The following DAB1 variants were observed in gnomAD, a reference collection of about 807,000 sequenced individuals.
The protein encoded by DAB1 is DAB adaptor protein 1.
A neutral mutation model predicts 64.6 loss-of-function variants in DAB1; 15 were observed. The ratio of observed to expected loss-of-function variants is 0.23; its 90% confidence interval spans 0.16 to 0.36. The LOEUF (loss-of-function observed/expected upper bound fraction) is 0.36, where lower values mean the gene tolerates loss of function less well. Ranked by LOEUF, DAB1 falls within the 10% of genes least tolerant of loss-of-function variation. The pLI is 1.00. For missense variants in DAB1, 596 were observed against 706.7 expected (o/e 0.84, Z 1.78); for synonymous variants, 235 against 251.9 (o/e 0.93, Z 0.64).
rs1477522407 is a variant in DAB1 at position 57,198,649 on chromosome 1, T to TCTCACACA, written c.68-53221_68-53220insTGTGTGAG. On this transcript the variant is annotated intron_variant, in intron 2 of 14. Coordinates refer to ENST00000371236, the MANE Select transcript of DAB1 (RefSeq NM_001365792.1). Reference sequence around the variant, plus strand: ...CCTCCCTCCCTGCATCTTCTCTCTCTCACACACACACACACACACACACAC... The same window carrying TCTCACACA: ...CCTCCCTCCCTGCATCTTCTCTCTCTCTCACACACACACACACACACACACACACACAC... Among the ~76,000 whole-genome samples the TCTCACACA allele has an allele frequency of 1.0e-3, 130 of 128,326 alleles. 1 individual carries two copies. The highest frequency in any genetic ancestry group is 2.3e-3 in the African/African-American group (79 of 33,674). 84.2% of individuals were successfully genotyped at this position (128,326 alleles called of 152,430 possible). A position where few individuals can be genotyped will look rare whatever the true frequency, so the allele number is the denominator to read the frequency against.
intron 1 of DAB1, among the ~76,000 whole-genome samples, chr1:58,543,395 C>T (rs986619985): frequency 3.3e-5 from 5 of 152,160 alleles, no homozygotes; most frequent in Admixed American, 2.0e-4. Flanking sequence ...ATCTCTACAG[C>T]AACTTTAGCA....
At chr1:57,259,953 A>G (rs1183186026) in intron 2 of DAB1, among the ~76,000 whole-genome samples, 1 of 152,168 alleles carries the variant, frequency 6.6e-6, no homozygotes, top group Non-Finnish European at 1.5e-5. Context: ...GCAGGACACA[A>G]GTTTACACAT....
At chr1:58,174,295 C>T (rs1570447222) in intron 4 of DAB1, among the ~76,000 whole-genome samples, 2 of 152,242 alleles carry the variant, frequency 1.3e-5, no homozygotes, top group Admixed American at 1.3e-4. Context: ...GGTCCTGTGA[C>T]AGCCATCTTG....
At chr1:58,104,060 G>A (rs1315189042) in intron 5 of DAB1, among the ~76,000 whole-genome samples, 1 of 152,154 alleles carries the variant, frequency 6.6e-6, no homozygotes, top group African/African-American at 2.4e-5. Context: ...CCAATAAAGA[G>A]GACCTATTTC....
chr1:57,902,728 G>T (rs74072509), intron 5 of DAB1, among the ~76,000 whole-genome samples: 3,779 of 152,230 alleles, frequency 0.025, 134 homozygotes, highest in African/African-American at 0.079. Flanking sequence ...ATCATCTGGT[G>T]TTCACCAGAT....
chr1:57,749,826 C>A (rs747862971), intron 6 of DAB1, among the ~76,000 whole-genome samples: 1 of 152,094 alleles, frequency 6.6e-6, no homozygotes, highest in African/African-American at 2.4e-5. Flanking sequence ...ATGCTACAAC[C>A]AAAAAACATT....
chr1:57,252,481 A>G (rs1298918349), intron 2 of DAB1, among the ~76,000 whole-genome samples: 1 of 152,198 alleles, frequency 6.6e-6, no homozygotes, highest in East Asian at 1.9e-4. Flanking sequence ...CAGTTTGGTG[A>G]TCTCCTTTAA....
intron 4 of DAB1, among the ~76,000 whole-genome samples, chr1:58,289,623 C>T (rs1557723334): frequency 6.6e-6 from 1 of 152,140 alleles, no homozygotes; most frequent in Non-Finnish European, 1.5e-5. Flanking sequence ...ATTAATTTTC[C>T]TAAAATAAGA....
At chr1:57,833,288 AT>A (rs1652674078) in intron 1 of DAB1, among the ~76,000 whole-genome samples, 1 of 152,204 alleles carries the variant, frequency 6.6e-6, no homozygotes, top group Admixed American at 6.5e-5. Flanking sequence ...TATTTTATAG[AT>A]TTGGAAATAG....
chr1:58,408,571 T>C (rs147026432), intron 3 of DAB1, among the ~76,000 whole-genome samples: 1 of 152,168 alleles, frequency 6.6e-6, no homozygotes, highest in African/African-American at 2.4e-5. Context: ...GTGGAAGATC[T>C]GATTGGTGGG....
chr1:58,404,105 A>G (rs1406054666), intron 3 of DAB1, among the ~76,000 whole-genome samples: 1 of 152,182 alleles, frequency 6.6e-6, no homozygotes, highest in African/African-American at 2.4e-5. Context: ...AGTATAAAGA[A>G]CTTTTTCAGG....
intron 5 of DAB1, among the ~76,000 whole-genome samples, chr1:58,059,976 C>T (rs942673690): frequency 1.3e-5 from 2 of 152,090 alleles, no homozygotes; most frequent in East Asian, 1.9e-4. Flanking sequence ...GAAGGCAGCA[C>T]AAAAGGGACT....
At chr1:58,296,245 GAAAGAAA>G (rs1297192137) in intron 4 of DAB1, among the ~76,000 whole-genome samples, 2 of 149,336 alleles carry the variant, frequency 1.3e-5, no homozygotes, top group African/African-American at 5.0e-5. Context: ...AAGAAAGAAA[GAAAGAAA>G]GAAAGAAAGA....
chr1:57,037,656 A>G (rs1647217127), intron 9 of DAB1, among the ~76,000 whole-genome samples: 1 of 152,234 alleles, frequency 6.6e-6, no homozygotes, highest in Non-Finnish European at 1.5e-5. Context: ...GGATTTAACA[A>G]GGAAGACACA....
At chr1:57,217,154 T>C (rs2100361256) in intron 2 of DAB1, among the ~76,000 whole-genome samples, 1 of 152,314 alleles carries the variant, frequency 6.6e-6, no homozygotes, top group Non-Finnish European at 1.5e-5. Context: ...TAAATTATCT[T>C]TCAGAAGGGA....
chr1:57,033,934 C>T (rs991638282), intron 9 of DAB1, among the ~76,000 whole-genome samples: 2 of 152,182 alleles, frequency 1.3e-5, no homozygotes, highest in Non-Finnish European at 2.9e-5. Flanking sequence ...TTTAGCCAAA[C>T]TTTACAGCTG....
At chr1:58,532,196 A>C (rs1350919542) in intron 1 of DAB1, among the ~76,000 whole-genome samples, 1 of 152,130 alleles carries the variant, frequency 6.6e-6, no homozygotes, top group Non-Finnish European at 1.5e-5. Flanking sequence ...CAAAACTGAG[A>C]CTCCCAAAAG....
chr1:58,216,509 T>C (rs751361724), intron 4 of DAB1, among the ~76,000 whole-genome samples: 3 of 152,236 alleles, frequency 2.0e-5, no homozygotes, highest in East Asian at 1.9e-4. Flanking sequence ...TGTGTCTTTA[T>C]AGTAGAATGA....
intron 10 of DAB1, among the ~76,000 whole-genome samples, chr1:57,024,034 C>A (rs926854160): frequency 2.6e-5 from 4 of 151,982 alleles, no homozygotes; most frequent in African/African-American, 9.7e-5. Context: ...CCAACTCAAA[C>A]TGAAATACAC....
Sources: gnomAD v4.1 joint callset for allele counts (sites outside exome capture counted in the v4.1 genomes callset) on GRCh38, gnomAD v4.1.1 for gene constraint, MANE v1.5 for transcripts, NCBI Gene and HGNC (gene_info 2026-07-23, HGNC 2026-07-21) for gene names.